The following RAET1L variants were observed in gnomAD, a reference collection of about 807,000 sequenced individuals.
RAET1L encodes retinoic acid early transcript 1L, also known as UL16-binding protein 6.
A neutral mutation model predicts 23.9 loss-of-function variants in RAET1L; 16 were observed. That is an observed-to-expected ratio of 0.67 (90% CI 0.45 to 1.02). The LOEUF is 1.02. RAET1L is among the 50% of genes least tolerant of loss of function. The probability of loss-of-function intolerance (pLI) is 0.00; values close to 1 mark genes in which losing one functional copy is unlikely to be tolerated. For synonymous variants in RAET1L, 70 were observed against 111.2 expected (o/e 0.63, Z 2.33); for missense variants, 233 against 304.0 (o/e 0.77, Z 1.74).
chr6:150,020,771 G>A (rs1274300640), intron 3 of RAET1L, 134 bp downstream of exon 3: 7 of 1,431,710 alleles, frequency 4.9e-6, no homozygotes, highest in Non-Finnish European at 6.6e-6. Context: ...AACCCCAGGA[G>A]GAGGGCCCGA....
At position 150,020,917 on chromosome 6, in the gene RAET1L, G is replaced by C; in HGVS notation, c.619C>G (p.Pro207Ala). ...TTTCTCCTGTTACCTCCTGCACTTG[G>C]CTCCAGGGTGCTGTCCATGCCCATC... ...FLMGMDSTLE[P>A]SAGAPLAMSS... is the part of the protein sequence containing the mutation. The change falls in exon 3 of 5, where the codon CCA becomes GCA. Residue 207 changes from proline to alanine, a missense_variant. This residue lies in a region of RAET1L where 139 missense variants were observed against 125.3 expected (regional missense o/e 1.11). Coordinates refer to ENST00000367341, the MANE Select transcript of RAET1L (RefSeq NM_130900.3). 6.2e-7 allele frequency: 1 copy of C among 1,614,008 alleles called. No homozygotes were observed. Among genetic ancestry groups the C allele is most frequent in the Non-Finnish European group, 8.5e-7 (1 of 1,179,996 alleles).
chr6:150,024,585 G>A (rs1045276170), intron 1 of RAET1L, among the ~76,000 whole-genome samples: 4 of 151,608 alleles, frequency 2.6e-5, no homozygotes, highest in African/African-American at 9.8e-5. Context: ...AAGGGCAGAA[G>A]TGGGTGCCTC....
intron 1 of RAET1L, among the ~76,000 whole-genome samples, chr6:150,023,321 G>A (rs1779909307): frequency 2.6e-5 from 4 of 151,960 alleles, no homozygotes; most frequent in Admixed American, 1.3e-4. Flanking sequence ...AACCAAATCA[G>A]GAGGCTGAAA....
chr6:150,021,480 T>C lies in RAET1L; in HGVS notation c.350-294A>G, dbSNP rs1385673075. Among the ~76,000 whole-genome samples the C allele has an allele frequency of 4.9e-5, 7 of 141,878 alleles. No individual in the cohort carries two copies. The Admixed American group carries it at 4.9e-4, about 10-fold the overall frequency. 93.1% of individuals were successfully genotyped at this position (141,878 alleles called of 152,430 possible). ...ATACCCGGCTATTTTTTTGTATTTT[T>C]AGTACAGACAGGGTTTCACTGTGTT... On this transcript the variant is annotated intron_variant, in intron 2 of 4. Transcript: ENST00000367341.
At chr6:150,023,648 C>T (rs961094968) in intron 1 of RAET1L, among the ~76,000 whole-genome samples, 7 of 152,316 alleles carry the variant, frequency 4.6e-5, no homozygotes, top group African/African-American at 9.6e-5. Context: ...GCTGGACCTA[C>T]CTTAAGTGCC....
intron 1 of RAET1L, among the ~76,000 whole-genome samples, chr6:150,024,306 G>T (rs1779921233): frequency 6.6e-6 from 1 of 151,896 alleles, no homozygotes; most frequent in Admixed American, 6.6e-5. Flanking sequence ...CCTAGGGGAT[G>T]GGGCACTGGG....
intron 3 of RAET1L, 66 bp from the exon 4 acceptor site, chr6:150,020,305 G>A (rs1779869088): frequency 3.4e-6 from 5 of 1,487,582 alleles, no homozygotes; most frequent in Non-Finnish European, 4.6e-6. Flanking sequence ...CACCTCCTCA[G>A]TTCCTGCCAC....
intron 1 of RAET1L, 57 bp from the exon 2 acceptor site, chr6:150,022,300 CCCTCCACG>C: frequency 7.9e-7 from 1 of 1,258,668 alleles, no homozygotes; most frequent in Non-Finnish European, 1.1e-6. Context: ...TAGTTAGCCC[CCCTCCACG>C]CTGTGTCAAT....
At position 150,019,352 on chromosome 6, in the gene RAET1L, C is replaced by A. The variant is rs1245599466; in HGVS notation, c.*23-497G>T. ...CACCTTTTCCATTCCTTATCCAGCC[C>A]AGTGGTGCCCGTGGAACCCCAGCAG... On this transcript the variant is annotated intron_variant, in intron 4 of 4. Transcript: ENST00000367341. Among the ~76,000 whole-genome samples the A allele has an allele frequency of 3.3e-5, 5 of 152,124 alleles. 1 individual carries two copies. The highest frequency in any genetic ancestry group is 3.3e-4 in the Admixed American group (5 of 15,274).
intron 1 of RAET1L, among the ~76,000 whole-genome samples, chr6:150,023,915 G>T (rs1211747607): frequency 6.6e-6 from 1 of 152,188 alleles, no homozygotes; most frequent in Non-Finnish European, 1.5e-5. Context: ...ATTCCTGAAG[G>T]CCTCAGAGCT....
rs759202133 is a variant in RAET1L at position 150,025,499 on chromosome 6, G to C, written c.-28C>G. The stretch of plus-strand genomic sequence containing the variant: ...GGGACCAGGAGGGCTGGGGACAAGA[G>C]ATTTAATCAAGGTGGATCCTGGAAG... On this transcript the variant is annotated 5_prime_UTR_variant, in exon 1 of 5. It adds an upstream start codon to the 5' untranslated region. Coordinates refer to ENST00000367341, the MANE Select transcript of RAET1L (RefSeq NM_130900.3). 11 of 1,583,818 alleles carry C rather than the reference G, an allele frequency of 6.9e-6. No homozygotes were observed. The highest frequency in any genetic ancestry group is 1.1e-5 in the South Asian group (1 of 90,146).
intron 2 of RAET1L, among the ~76,000 whole-genome samples, chr6:150,021,407 C>G (rs13192224): frequency 2.4e-5 from 3 of 125,518 alleles, no homozygotes; most frequent in Non-Finnish European, 5.2e-5. Context: ...GGCGCGATCT[C>G]GGCTCACTCA....
intron 1 of RAET1L, 84 bp downstream of exon 1, chr6:150,025,303 G>T: frequency 8.5e-7 from 1 of 1,171,198 alleles, no homozygotes; most frequent in Non-Finnish European, 1.2e-6. Context: ...CCTTCCAGAA[G>T]CCTTCCCTCC....
intron 1 of RAET1L, among the ~76,000 whole-genome samples, chr6:150,023,225 A>G (rs1044217864): frequency 1.3e-5 from 2 of 152,124 alleles, no homozygotes; most frequent in African/African-American, 4.8e-5. Flanking sequence ...CCCATGGCTC[A>G]TAGAACAAAG....
chr6:150,024,787 C>A (rs945789016), intron 1 of RAET1L, among the ~76,000 whole-genome samples: 23 of 152,022 alleles, frequency 1.5e-4, no homozygotes, highest in Admixed American at 6.5e-4. Flanking sequence ...ACCAGCTGGG[C>A]TGAGGTGGGC....
At chr6:150,019,044 A>G (rs112730414) in intron 4 of RAET1L, among the ~76,000 whole-genome samples, 189 bp from the exon 5 acceptor site, 4 of 152,310 alleles carry the variant, frequency 2.6e-5, no homozygotes, top group African/African-American at 9.6e-5. Context: ...TCACAGAGTC[A>G]GCCCAGGCCC....
In RAET1L at chr6:150,021,183, G is replaced by T. The variant is rs769168591; in HGVS notation, c.353C>A (p.Pro118His). The change falls in exon 3 of 5, where the codon CCC (proline) becomes CAC (histidine). Residue 118 changes from proline (P) to histidine (H), a missense_variant. Physicochemically the swap from Pro to His is moderately conservative, Grantham distance 77. This residue lies in a region of RAET1L where 139 missense variants were observed against 125.3 expected (regional missense o/e 1.11). Coordinates refer to ENST00000367341, the MANE Select transcript of RAET1L (RefSeq NM_130900.3). ...AGACATCCTTGCCTGCAGGGTGAGGGGTTCTGCCCCCATCAGAGAGAGATC... is the reference window on the plus strand; with the variant it reads ...AGACATCCTTGCCTGCAGGGTGAGGTGTTCTGCCCCCATCAGAGAGAGATC... The part of the protein sequence containing the change: ...IQLENYTPKE[P>H]LTLQARMSCE... The T allele has an allele frequency of 4.3e-6, 7 of 1,610,950 alleles. No homozygotes were observed. The highest frequency in any genetic ancestry group is 5.9e-6 in the Non-Finnish European group (7 of 1,177,856).
Position 150,021,064 on chromosome 6 carries a change from A to T in RAET1L, c.472T>A (p.Trp158Arg). The T allele has an allele frequency of 6.2e-7, 1 of 1,614,170 alleles. No individual in the cohort carries two copies. The highest frequency in any genetic ancestry group is 1.1e-5 in the South Asian group (1 of 91,070). Residue 158 changes from tryptophan to arginine, a missense_variant, in exon 3 of 5, where the codon TGG (tryptophan) becomes AGG (arginine). Trp to Arg is a moderately radical substitution (Grantham distance 101). Coordinates refer to ENST00000367341, the MANE Select transcript of RAET1L (RefSeq NM_130900.3). ...FLLFDSEKRM[W>R]TTVHPGARKM... ...CTGGCTCCAGGATGAACCGTTGTCC[A>T]CATTCTCTTCTCTGAGTCAAAGAGT...
intron 2 of RAET1L, among the ~76,000 whole-genome samples, chr6:150,021,591 A>C (rs1421187875): frequency 5.6e-5 from 6 of 106,678 alleles, no homozygotes; most frequent in Non-Finnish European, 7.7e-5. Context: ...GAGCCACTGC[A>C]CCTGGCTTTT....
Sources: gnomAD v4.1 joint callset for allele counts (sites outside exome capture counted in the v4.1 genomes callset) on GRCh38, gnomAD v4.1.1 for gene constraint, gnomAD v4.1.1 regional missense constraint, MANE v1.5 for transcripts, NCBI Gene and HGNC (gene_info 2026-07-23, HGNC 2026-07-21) for gene names.